The following ITGA3 variants were observed in gnomAD, a reference collection of about 807,000 sequenced individuals.
ITGA3 encodes integrin alpha-3.
A neutral mutation model predicts 131.1 loss-of-function variants in ITGA3; 70 were observed. The observed-to-expected ratio is 0.53, with a 90% CI of 0.44 to 0.65. The LOEUF (loss-of-function observed/expected upper bound fraction) is 0.65, where lower values mean the gene tolerates loss of function less well. Among genes scored for constraint, ITGA3 ranks in the 30% least tolerant of loss-of-function variants. The probability of loss-of-function intolerance (pLI) is 0.00; values close to 1 mark genes in which losing one functional copy is unlikely to be tolerated. For missense variants in ITGA3, 1,098 were observed against 1,388.6 expected (o/e 0.79, Z 3.33); for synonymous variants, 537 against 571.6 (o/e 0.94, Z 0.86).
rs1384122180 is a variant in ITGA3, at chr17:50,088,282, G to C, written c.3103G>C (p.Ala1035Pro). ...RALYEAKRQK[A>P]EMKSQPSETE... ...CCTGTATGAAGCTAAGAGGCAGAAG[G>C]CGGAGATGAAGAGCCAGCCGTCAGA... Residue 1035 changes from alanine to proline, a missense_variant, in exon 25 of 26, where the codon GCG (alanine) becomes CCG (proline). This residue lies in a region of ITGA3 where 699 missense variants were observed against 829.2 expected (regional missense o/e 0.84). Transcript: ENST00000320031. The C allele has an allele frequency of 6.3e-7, 1 of 1,591,036 alleles. No individual in the cohort carries two copies.
intron 23 of ITGA3, among the ~76,000 whole-genome samples, chr17:50,083,751 G>A (rs1396079870): frequency 1.3e-5 from 2 of 150,292 alleles, no homozygotes; most frequent in Admixed American, 6.7e-5. Flanking sequence ...AAACTAAATG[G>A]GCAAATGATA....
intron 16 of ITGA3, among the ~76,000 whole-genome samples, chr17:50,077,650 GC>G (rs1222375043): frequency 6.6e-6 from 1 of 152,196 alleles, no homozygotes; most frequent in African/African-American, 2.4e-5. Flanking sequence ...TGTGCACAAA[GC>G]TAGAGCAGGT....
At chr17:50,071,235 A>G (rs1354132991) in intron 5 of ITGA3, 76 bp from the exon 6 acceptor site, 12 of 1,289,168 alleles carry the variant, frequency 9.3e-6, no homozygotes, top group Non-Finnish European at 1.1e-5. Context: ...CAAGAGAGGG[A>G]ATAGGGAGAT....
intron 23 of ITGA3, among the ~76,000 whole-genome samples, chr17:50,082,432 C>T (rs991177728): frequency 6.6e-6 from 1 of 152,136 alleles, no homozygotes; most frequent in African/African-American, 2.4e-5. Context: ...CTGCCTCGGC[C>T]TCCCAAAGTG....
At chr17:50,072,768 A>C (rs1213228595) in intron 7 of ITGA3, among the ~76,000 whole-genome samples, 2 of 152,064 alleles carry the variant, frequency 1.3e-5, no homozygotes, top group Non-Finnish European at 2.9e-5. Flanking sequence ...TCAAGAATGT[A>C]ATATCTCAGG....
intron 23 of ITGA3, among the ~76,000 whole-genome samples, chr17:50,081,735 C>T (rs1423693653): frequency 2.0e-5 from 3 of 152,174 alleles, no homozygotes; most frequent in Non-Finnish European, 4.4e-5. Flanking sequence ...TATTTTATGG[C>T]TGAGAGGCTG....
At chr17:50,084,230 C>CAAAAAAAAA (rs61103198) in intron 23 of ITGA3, among the ~76,000 whole-genome samples, 4 of 26,988 alleles carry the variant, frequency 1.5e-4, no homozygotes, top group Non-Finnish European at 1.6e-4. Flanking sequence ...GACTCTGTCT[C>CAAAAAAAAA]AAAAAAAAAA....
intron 24 of ITGA3, 102 bp from the exon 25 acceptor site, chr17:50,088,123 C>T: frequency 3.5e-6 from 5 of 1,423,894 alleles, no homozygotes; most frequent in Non-Finnish European, 4.7e-6. Context: ...TGAGCCCCAG[C>T]CCCCAGGCTC....
In ITGA3 at chr17:50,068,068, C is replaced by G; in HGVS notation, c.427C>G (p.Arg143Gly). ...PAGRVLVCAHRYTQVLWSGSE... is the reference protein window; with the variant it reads ...PAGRVLVCAHGYTQVLWSGSE... ...GGGGGGTCCCCAGGTCTGTGCCCAC[C>G]GCTACACCCAGGTGCTGTGGTCAGG... is the stretch of plus-strand genomic sequence containing the variant. The change falls in exon 4 of 26, where the codon CGC (arginine) becomes GGC (glycine). Residue 143 changes from arginine to glycine, a missense_variant. Coordinates refer to ENST00000320031, the MANE Select transcript of ITGA3 (RefSeq NM_002204.4). 1.2e-6 allele frequency: 2 copies of G among 1,614,008 alleles called. No individual in the cohort carries two copies. The highest frequency in any genetic ancestry group is 1.7e-6 in the Non-Finnish European group (2 of 1,180,036).
At chr17:50,079,371 T>G in intron 20 of ITGA3, 64 bp from the exon 21 acceptor site, 1 of 1,553,002 alleles carries the variant, frequency 6.4e-7, no homozygotes, top group Non-Finnish European at 8.7e-7. Flanking sequence ...ACCCTTTCCT[T>G]TCCTGCAACC....
intron 23 of ITGA3, chr17:50,087,082 A>C (rs1466917164): frequency 6.6e-6 from 1 of 152,118 alleles, no homozygotes; most frequent in Non-Finnish European, 1.5e-5. Context: ...AATAAAATAA[A>C]AAGAATGGGA....
chr17:50,061,508 C>G (rs965094067), intron 1 of ITGA3, among the ~76,000 whole-genome samples: 3 of 148,122 alleles, frequency 2.0e-5, no homozygotes, highest in Non-Finnish European at 4.4e-5. Flanking sequence ...CGGCCTCCCA[C>G]TGAGGCCCGG....
In ITGA3 at chr17:50,081,298, C is replaced by A. The variant is rs1335802471; in HGVS notation, c.2821-12C>A. ...CAAGTGTTCCCCTTGACCCACCCCA[C>A]TCCCAATCCAGGATTACAGAGACTT... is the stretch of plus-strand genomic sequence containing the variant. On this transcript the variant is annotated splice_polypyrimidine_tract_variant and intron_variant, in intron 22 of 25. Coordinates refer to ENST00000320031, the MANE Select transcript of ITGA3 (RefSeq NM_002204.4). 7 of 1,563,160 alleles carry A rather than the reference C, an allele frequency of 4.5e-6. No individual in the cohort carries two copies. Among genetic ancestry groups the A allele is most frequent in the Non-Finnish European group, 6.1e-6 (7 of 1,148,166 alleles).
At position 50,076,542 on chromosome 17, in the gene ITGA3, G is replaced by T. The variant is rs764489304; in HGVS notation, c.1825-42G>T. 2.3e-5 allele frequency: 28 copies of T among 1,233,778 alleles called. 1 individual carries two copies. Among genetic ancestry groups the T allele is most frequent in the East Asian group, 1.5e-4 (3 of 20,040 alleles). The allele number at this position is 1,233,778 out of a possible 1,614,324, so 76.4% of individuals were successfully genotyped here. Reference sequence around the variant, plus strand: ...AAGGGCGGTGGGGCGAGAGGGCACTGGGGGGGGTGGTGCGGCCTTCACACC... The same window carrying T: ...AAGGGCGGTGGGGCGAGAGGGCACTTGGGGGGGTGGTGCGGCCTTCACACC... On this transcript the variant is annotated intron_variant, in intron 13 of 25. Transcript: ENST00000320031.
Position 50,088,294 on chromosome 17 carries a change from A to C in ITGA3, c.3115A>C (p.Ser1039Arg), listed in dbSNP as rs1404489815. Residue 1039 changes from serine (S) to arginine (R), a missense_variant, in exon 25 of 26, where the codon AGC (serine) becomes CGC (arginine). This residue lies in a region of ITGA3 where 699 missense variants were observed against 829.2 expected (regional missense o/e 0.84). Coordinates refer to ENST00000320031, the MANE Select transcript of ITGA3 (RefSeq NM_002204.4). ...TAAGAGGCAGAAGGCGGAGATGAAG[A>C]GCCAGCCGTCAGAGACAGAGAGGCT... ...EAKRQKAEMKSQPSETERLTD... is the reference protein window; with the variant it reads ...EAKRQKAEMKRQPSETERLTD... 1 of 1,589,520 alleles carries C rather than the reference A, an allele frequency of 6.3e-7. No homozygotes were observed. Among genetic ancestry groups the C allele is most frequent in the Non-Finnish European group, 8.6e-7 (1 of 1,168,258 alleles).
At position 50,070,865 on chromosome 17, in the gene ITGA3, G is replaced by A. The variant is rs140829923; in HGVS notation, c.686G>A (p.Arg229His). The A allele has an allele frequency of 8.7e-6, 14 of 1,611,702 alleles. No individual in the cohort carries two copies. The Admixed American group carries it at 1.2e-4, about 13-fold the overall frequency. ...NWKGNSYMIQ[R>H]KEWDLSEYSY... is the part of the protein sequence containing the mutation. Reference sequence around the variant, plus strand: ...GAAGGAAACAGCTACATGATTCAGCGCAAGGAGTGGGACTTATCTGAGTAT... The same window carrying A: ...GAAGGAAACAGCTACATGATTCAGCACAAGGAGTGGGACTTATCTGAGTAT... The change falls in exon 5 of 26, where the codon CGC becomes CAC. Residue 229 changes from arginine to histidine, a missense_variant. Transcript: ENST00000320031.
At position 50,064,259 on chromosome 17, in the gene ITGA3, C is replaced by T. The variant is rs921447502; in HGVS notation, c.334+55C>T. 1.9e-5 allele frequency: 29 copies of T among 1,560,896 alleles called. No homozygotes were observed. The highest frequency in any genetic ancestry group is 2.5e-5 in the Non-Finnish European group (29 of 1,154,952). ...GGGTCAGAGGTCTGGCAGGGGGGTA[C>T]CGCAGAGAGAATGGCCTGGAGGAGA... On this transcript the variant is annotated intron_variant, in intron 2 of 25. Transcript: ENST00000320031. The surrounding 1 kb of genome is among the most constrained non-coding windows in gnomAD (Gnocchi z 4.4).
At chr17:50,069,899 C>T (rs113778335) in intron 4 of ITGA3, among the ~76,000 whole-genome samples, 2 of 152,152 alleles carry the variant, frequency 1.3e-5, no homozygotes, top group African/African-American at 2.4e-5. Context: ...CAATAGGGAC[C>T]CCTTTTCCCT....
chr17:50,072,395 G>A (rs1908674416), intron 7 of ITGA3, among the ~76,000 whole-genome samples: 1 of 152,174 alleles, frequency 6.6e-6, no homozygotes, highest in Admixed American at 6.5e-5. Context: ...CCTCCTGGAG[G>A]AGCTTGCATG....
Sources: gnomAD v4.1 joint callset for allele counts (sites outside exome capture counted in the v4.1 genomes callset) on GRCh38, gnomAD v4.1.1 for gene constraint, gnomAD v4.1.1 regional missense constraint, Gnocchi (gnomAD v3.1) non-coding constraint, MANE v1.5 for transcripts, NCBI Gene and HGNC (gene_info 2026-07-23, HGNC 2026-07-21) for gene names.